Variants in LSAMP observed in about 807,000 individuals in gnomAD.
The protein encoded by LSAMP is limbic system associated membrane protein.
In LSAMP, 7 loss-of-function variants were observed where a neutral mutation model predicts 38.6. That is an observed-to-expected ratio of 0.18 (90% CI 0.10 to 0.34). The LOEUF is 0.34. Among genes scored for constraint, LSAMP ranks in the 10% least tolerant of loss-of-function variants. The probability of loss-of-function intolerance (pLI) is 1.00; values close to 1 mark genes in which losing one functional copy is unlikely to be tolerated. For missense variants in LSAMP, 313 were observed against 420.0 expected (o/e 0.75, Z 2.23); for synonymous variants, 154 against 166.8 (o/e 0.92, Z 0.59).
intron 3 of LSAMP, among the ~76,000 whole-genome samples, chr3:115,865,927 A>C (rs1293453551): frequency 1.3e-5 from 2 of 152,194 alleles, no homozygotes; most frequent in Non-Finnish European, 2.9e-5. Context: ...AGGAGAATCA[A>C]CATTCTGCCT....
At chr3:116,094,286 T>C (rs1708179481) in intron 1 of LSAMP, among the ~76,000 whole-genome samples, 2 of 152,322 alleles carry the variant, frequency 1.3e-5, no homozygotes, top group South Asian at 4.1e-4. Context: ...ACTAAAAGCT[T>C]CAGCTCCTTA....
chr3:116,334,807 C>G (rs559783250), intron 1 of LSAMP, among the ~76,000 whole-genome samples: 60 of 152,176 alleles, frequency 3.9e-4, no homozygotes, highest in Admixed American at 7.2e-4. Context: ...AGACTGAAAG[C>G]TTTTCCTGTG....
chr3:115,934,577 A>G (rs1455322102), intron 3 of LSAMP, among the ~76,000 whole-genome samples: 1 of 152,212 alleles, frequency 6.6e-6, no homozygotes, highest in African/African-American at 2.4e-5. Flanking sequence ...GGATCATGAT[A>G]AAATGGACAC....
At chr3:116,386,144 A>G (rs1405460632) in intron 1 of LSAMP, among the ~76,000 whole-genome samples, 1 of 152,158 alleles carries the variant, frequency 6.6e-6, no homozygotes, top group Non-Finnish European at 1.5e-5. Context: ...AGATCTGCTT[A>G]AAAACCCTAA....
intron 2 of LSAMP, among the ~76,000 whole-genome samples, chr3:116,023,435 A>T (rs1164186454): frequency 1.4e-5 from 2 of 147,808 alleles, no homozygotes; most frequent in Non-Finnish European, 3.0e-5. Flanking sequence ...TCTACTAAAA[A>T]TACTAAAAAA....
intron 4 of LSAMP, among the ~76,000 whole-genome samples, chr3:115,850,500 A>G (rs920530735): frequency 2.0e-5 from 3 of 152,236 alleles, no homozygotes; most frequent in Non-Finnish European, 4.4e-5. Flanking sequence ...AAACAGCCAG[A>G]GAAGTTGCCT....
chr3:116,326,424 G>A (rs2107735709), intron 1 of LSAMP, among the ~76,000 whole-genome samples: 1 of 152,188 alleles, frequency 6.6e-6, no homozygotes, highest in East Asian at 1.9e-4. Flanking sequence ...CCATCCTCTA[G>A]CAGAACTCTC....
chr3:116,279,909 A>C (rs2047106065), intron 1 of LSAMP, among the ~76,000 whole-genome samples: 2 of 152,228 alleles, frequency 1.3e-5, no homozygotes, highest in African/African-American at 4.8e-5. Flanking sequence ...AAATGTTAAT[A>C]ATACATTGAA....
chr3:116,026,729 A>G (rs1163311853), intron 2 of LSAMP, among the ~76,000 whole-genome samples: 1 of 152,152 alleles, frequency 6.6e-6, no homozygotes, highest in African/African-American at 2.4e-5. Flanking sequence ...AATGGCCTCA[A>G]ATCTGTACTC....
chr3:115,999,144 G>A (rs1048097968), intron 3 of LSAMP, among the ~76,000 whole-genome samples: 3 of 152,148 alleles, frequency 2.0e-5, no homozygotes, highest in East Asian at 3.9e-4. Flanking sequence ...TGTGGGCAAC[G>A]ATGATGAGGC....
At chr3:116,333,341 C>T (rs528854936) in intron 1 of LSAMP, among the ~76,000 whole-genome samples, 85 of 152,046 alleles carry the variant, frequency 5.6e-4, no homozygotes, top group Non-Finnish European at 1.1e-3. Context: ...GAGTTCAAGA[C>T]CAGCTGGGCC....
chr3:116,161,838 T>A (rs1377203226), intron 1 of LSAMP, among the ~76,000 whole-genome samples: 1 of 152,126 alleles, frequency 6.6e-6, no homozygotes, highest in Non-Finnish European at 1.5e-5. Flanking sequence ...AGCCTCATAT[T>A]CATTGGATCT....
chr3:116,301,202 A>G (rs1404039939), intron 1 of LSAMP, among the ~76,000 whole-genome samples: 1 of 152,164 alleles, frequency 6.6e-6, no homozygotes, highest in African/African-American at 2.4e-5. Flanking sequence ...GAAATATGCA[A>G]TAAAAAGCTA....
chr3:116,113,200 A>G (rs913455352), intron 1 of LSAMP, among the ~76,000 whole-genome samples: 1 of 151,864 alleles, frequency 6.6e-6, no homozygotes, highest in Non-Finnish European at 1.5e-5. Flanking sequence ...AAATTCTCTA[A>G]TAGACATTCA....
At chr3:116,391,615 A>G (rs1288769999) in intron 1 of LSAMP, among the ~76,000 whole-genome samples, 2 of 151,858 alleles carry the variant, frequency 1.3e-5, no homozygotes, top group East Asian at 3.9e-4. Context: ...GCCCAGAGGC[A>G]GAGCTGAACC....
intron 3 of LSAMP, among the ~76,000 whole-genome samples, chr3:115,984,446 G>A (rs1490185135): frequency 6.6e-6 from 1 of 152,120 alleles, no homozygotes; most frequent in Non-Finnish European, 1.5e-5. Flanking sequence ...CCATTTTATA[G>A]TTGCTAAACA....
At chr3:116,157,291 G>A (rs1322652132) in intron 1 of LSAMP, among the ~76,000 whole-genome samples, 2 of 152,076 alleles carry the variant, frequency 1.3e-5, no homozygotes, top group Admixed American at 1.3e-4. Flanking sequence ...TATAGGGATA[G>A]TAATACTAAA....
In LSAMP at chr3:115,806,737, G is replaced by A. The variant is rs1933638499; in HGVS notation, c.*3580C>T. The A allele has an allele frequency of 1.3e-5, 2 of 152,214 alleles. No homozygotes were observed. The highest frequency in any genetic ancestry group is 1.9e-4 in the East Asian group (1 of 5,200). 9.4% of individuals were successfully genotyped at this position (152,214 alleles called of 1,614,324 possible). On this transcript the variant is annotated 3_prime_UTR_variant, in exon 7 of 7. Coordinates refer to ENST00000490035, the MANE Select transcript of LSAMP (RefSeq NM_002338.5). ...GTCAATGGGGCAGTCCTTCCTGAGAGAAAACCCATCTGCTTTTCTATAAGC... is the reference window on the plus strand; with the variant it reads ...GTCAATGGGGCAGTCCTTCCTGAGAAAAAACCCATCTGCTTTTCTATAAGC...
At chr3:116,242,061 C>T (rs1164829244) in intron 1 of LSAMP, among the ~76,000 whole-genome samples, 4 of 152,182 alleles carry the variant, frequency 2.6e-5, no homozygotes, top group East Asian at 3.9e-4. Context: ...TCAAGTATTC[C>T]GACTGCACAT....
Sources: allele counts gnomAD v4.1 joint callset (sites outside exome capture counted in the v4.1 genomes callset), GRCh38; gene constraint gnomAD v4.1.1; transcripts MANE v1.5; gene names NCBI Gene and HGNC (gene_info 2026-07-23, HGNC 2026-07-21).